The following SORD variants were observed in gnomAD, a reference collection of about 807,000 sequenced individuals.
The protein encoded by SORD is (R,R)-butanediol dehydrogenase.
A neutral mutation model predicts 35.6 loss-of-function variants in SORD; 18 were observed. The observed-to-expected ratio is 0.51, with a 90% confidence interval of 0.35 to 0.75. The LOEUF (loss-of-function observed/expected upper bound fraction) is 0.75. SORD is among the 30% of genes least tolerant of loss of function. The pLI is 0.01. For missense variants in SORD, 250 were observed against 390.2 expected, an observed-to-expected ratio of 0.64 and a Z score of 3.03; for synonymous variants, 106 against 152.9, an observed-to-expected ratio of 0.69 and a Z score of 2.26.
At chr15:45,034,881 A>G (rs1385891096) in intron 1 of SORD, among the ~76,000 whole-genome samples, 2 of 152,200 alleles carry the variant, frequency 1.3e-5, no homozygotes, top group African/African-American at 4.8e-5. Flanking sequence ...CTTGCGGGCC[A>G]GCTGGAGTTC....
At chr15:45,027,138 G>A (rs1892686493) in intron 1 of SORD, among the ~76,000 whole-genome samples, 1 of 152,236 alleles carries the variant, frequency 6.6e-6, no homozygotes. Context: ...ACAACAATCT[G>A]AGACTTAAGG....
intron 1 of SORD, among the ~76,000 whole-genome samples, chr15:45,034,918 CGCACTCA>C (rs1892836854): frequency 6.6e-6 from 1 of 152,200 alleles, no homozygotes; most frequent in Admixed American, 6.5e-5. Flanking sequence ...TGGCGGGCCC[CGCACTCA>C]GAGCAGCCGG....
intron 3 of SORD, among the ~76,000 whole-genome samples, chr15:45,051,781 A>C (rs1324637888): frequency 6.6e-6 from 1 of 152,212 alleles, no homozygotes; most frequent in Non-Finnish European, 1.5e-5. Context: ...TTTGATCATG[A>C]GGTGAGATTC....
At chr15:45,061,594 G>T (rs1279927025) in intron 4 of SORD, among the ~76,000 whole-genome samples, 1 of 151,986 alleles carries the variant, frequency 6.6e-6, no homozygotes, top group Non-Finnish European at 1.5e-5. Flanking sequence ...TCGGCCAGGT[G>T]TGGTGGCTCA....
chr15:45,057,719 C>T (rs1234446103), intron 3 of SORD, among the ~76,000 whole-genome samples: 1 of 151,990 alleles, frequency 6.6e-6, no homozygotes, highest in Non-Finnish European at 1.5e-5. Context: ...GGAGGCAGAG[C>T]TTGCAGTGAG....
At chr15:45,063,737 G>T (rs1157062212) in intron 4 of SORD, among the ~76,000 whole-genome samples, 1 of 152,212 alleles carries the variant, frequency 6.6e-6, no homozygotes, top group African/African-American at 2.4e-5. Context: ...AGGCCCAGAT[G>T]TGGAAGGGCA....
chr15:45,041,293 AT>A (rs1892962311), intron 2 of SORD, among the ~76,000 whole-genome samples: 1 of 152,032 alleles, frequency 6.6e-6, no homozygotes. Context: ...CATCCCTGGA[AT>A]TCCACTTTGT....
At chr15:45,025,371 C>T (rs747523929) in intron 1 of SORD, among the ~76,000 whole-genome samples, 71 of 152,228 alleles carry the variant, frequency 4.7e-4, no homozygotes, top group South Asian at 1.2e-3. Context: ...GGTGTGGTGG[C>T]TGATGCCTGT....
intron 3 of SORD, among the ~76,000 whole-genome samples, chr15:45,043,996 T>C (rs1162833820): frequency 6.6e-6 from 1 of 152,240 alleles, no homozygotes; most frequent in African/African-American, 2.4e-5. Context: ...GTGAGGCTGC[T>C]GTGCAGCCCG....
chr15:45,059,349 C>A (rs116439805), intron 3 of SORD, among the ~76,000 whole-genome samples: 2,958 of 151,454 alleles, frequency 0.02, 65 homozygotes, highest in African/African-American at 0.061. Context: ...AACAAAAAAA[C>A]CAAAGAAACA....
chr15:45,024,537 A>C (rs1892640534), intron 1 of SORD, among the ~76,000 whole-genome samples: 1 of 152,100 alleles, frequency 6.6e-6, no homozygotes, highest in South Asian at 2.1e-4. Context: ...AAGGACTCAG[A>C]TGTTCAGACT....
intron 3 of SORD, among the ~76,000 whole-genome samples, chr15:45,056,858 T>C (rs1022002204): frequency 2.0e-5 from 3 of 152,226 alleles, no homozygotes; most frequent in Non-Finnish European, 4.4e-5. Flanking sequence ...GATCATTGGT[T>C]CCAGTCACAG....
At chr15:45,057,369 C>A (rs1236777738) in intron 3 of SORD, among the ~76,000 whole-genome samples, 7 of 152,086 alleles carry the variant, frequency 4.6e-5, no homozygotes, top group South Asian at 2.1e-4. Context: ...AACAGGGAAA[C>A]AACTTGAGAT....
intron 1 of SORD, among the ~76,000 whole-genome samples, chr15:45,030,995 C>T (rs757922827): frequency 3.3e-3 from 507 of 152,136 alleles, no homozygotes; most frequent in African/African-American, 0.012. Flanking sequence ...CACATACCAA[C>T]GATCATGCAA....
chr15:45,031,469 G>C (rs1299616216), intron 1 of SORD, among the ~76,000 whole-genome samples: 2 of 152,222 alleles, frequency 1.3e-5, no homozygotes, highest in African/African-American at 4.8e-5. Context: ...AGAACTTATG[G>C]CAGCCTCTGT....
intron 6 of SORD, 82 bp from the exon 7 acceptor site, chr15:45,068,795 T>C (rs2576110): frequency 0.021 from 27,213 of 1,319,118 alleles, 255 homozygotes; most frequent in South Asian, 0.033. Context: ...AGATCTTACA[T>C]CTCCATTTTC....
At chr15:45,067,008 C>A (rs1205539938) in intron 5 of SORD, among the ~76,000 whole-genome samples, 4 of 152,196 alleles carry the variant, frequency 2.6e-5, no homozygotes, top group African/African-American at 4.8e-5. Context: ...GGTATAGAAT[C>A]TTTTAGTTAG....
chr15:45,025,722 CA>C (rs1179925368), intron 1 of SORD, among the ~76,000 whole-genome samples: 3 of 151,666 alleles, frequency 2.0e-5, no homozygotes, highest in East Asian at 1.9e-4. Flanking sequence ...GGGATACTAT[CA>C]GGGGTGGAAA....
Position 45,061,100 on chromosome 15 carries a change from G to A in SORD, c.299G>A (p.Arg100Gln), listed in dbSNP as rs561817976. The change falls in exon 4 of 9, where the codon CGA (arginine) becomes CAA (glutamine). Residue 100 changes from arginine to glutamine, a missense_variant. By Grantham distance (43) the Arg-to-Gln change is conservative. This residue lies in a region of SORD where 126 missense variants were observed against 148.7 expected (regional missense o/e 0.85). Transcript: ENST00000267814. ...GTTGCCATCGAGCCTGGTGCTCCCC[G>A]AGAAAATGATGAATTCTGCAAGATG... Reference protein sequence around the residue: ...DRVAIEPGAPRENDEFCKMGR... With the variant: ...DRVAIEPGAPQENDEFCKMGR... The A allele has an allele frequency of 1.8e-5, 29 of 1,614,078 alleles. No individual in the cohort carries two copies. The highest frequency in any genetic ancestry group is 4.4e-5 in the South Asian group (4 of 91,080).
Sources: allele counts gnomAD v4.1 joint callset (sites outside exome capture counted in the v4.1 genomes callset), GRCh38; gene constraint gnomAD v4.1.1; regional missense constraint gnomAD v4.1.1; transcripts MANE v1.5; gene names NCBI Gene and HGNC (gene_info 2026-07-23, HGNC 2026-07-21).